Variants in ZMAT3 observed in about 807,000 individuals in gnomAD.
ZMAT3 encodes the protein zinc finger matrin-type 3, also known as zinc finger matrin-type protein 3.
Under a neutral mutation model 32.3 loss-of-function variants are expected in ZMAT3, and 17 were observed. The observed-to-expected ratio is 0.53, with a 90% CI of 0.36 to 0.79. The LOEUF (loss-of-function observed/expected upper bound fraction) is 0.79, where lower values mean the gene tolerates loss of function less well. Among genes scored for constraint, ZMAT3 ranks in the 30% least tolerant of loss-of-function variants. ZMAT3 has a pLI of 0.00. For synonymous variants in ZMAT3, 120 were observed against 133.1 expected (o/e 0.90, Z 0.68); for missense variants, 329 against 359.7 (o/e 0.91, Z 0.69).
At chr3:179,063,399 A>C (rs1397538652) in intron 2 of ZMAT3, among the ~76,000 whole-genome samples, 2 of 152,248 alleles carry the variant, frequency 1.3e-5, no homozygotes, top group African/African-American at 4.8e-5. Flanking sequence ...TAATTCTAAA[A>C]CTATTCTTTC....
chr3:179,022,703 A>G lies in ZMAT3; in HGVS notation c.*2314T>C, dbSNP rs763378515. On this transcript the variant is annotated 3_prime_UTR_variant, in exon 6 of 6. Coordinates refer to ENST00000311417, the MANE Select transcript of ZMAT3 (RefSeq NM_022470.4). ...CAGGTCTAGATAGAATCCTAACAGA[A>G]TAGTATTTGATTCTTCTGTTTCTGG... is the stretch of plus-strand genomic sequence containing the variant. 4 of 152,004 alleles carry G rather than the reference A, an allele frequency of 2.6e-5. No individual in the cohort carries two copies. Among genetic ancestry groups the G allele is most frequent in the Non-Finnish European group, 5.9e-5 (4 of 67,996 alleles). 9.4% of individuals were successfully genotyped at this position (152,004 alleles called of 1,614,324 possible).
chr3:179,052,815 G>A (rs1306921449), intron 2 of ZMAT3, among the ~76,000 whole-genome samples: 3 of 152,114 alleles, frequency 2.0e-5, no homozygotes, highest in Admixed American at 1.3e-4. Flanking sequence ...GCCATAAAAA[G>A]GAACGAAATA....
Position 179,025,139 on chromosome 3 carries a change from T to C in ZMAT3, c.748A>G (p.Met250Val), listed in dbSNP as rs1443922983. 6 of 1,614,188 alleles carry C rather than the reference T, an allele frequency of 3.7e-6. No individual in the cohort carries two copies. The highest frequency in any genetic ancestry group is 1.6e-4 in the Middle Eastern group (1 of 6,062). Reference protein sequence around the residue: ...VTPSGQFYCSMCNVGAGEEME... With the variant: ...VTPSGQFYCSVCNVGAGEEME... ...TCTTCGCCAGCTCCAACATTACACA[T>C]TGAGCAGTAAAACTGGCCACTTGGA... The change falls in exon 6 of 6, where the codon ATG (methionine) becomes GTG (valine). Residue 250 changes from methionine (M) to valine (V), a missense_variant. By Grantham distance (21) the Met-to-Val change is conservative. Transcript: ENST00000311417.
At chr3:179,032,571 G>A (rs552553571) in intron 2 of ZMAT3, among the ~76,000 whole-genome samples, 23 of 150,952 alleles carry the variant, frequency 1.5e-4, no homozygotes, top group Admixed American at 2.0e-4. Context: ...GTCTCTGCCC[G>A]GCCACCCATC....
chr3:179,050,666 TAAAAG>T (rs541648079), intron 2 of ZMAT3, among the ~76,000 whole-genome samples: 15 of 152,200 alleles, frequency 9.9e-5, no homozygotes, highest in African/African-American at 3.6e-4. Flanking sequence ...ATATTCCAAA[TAAAAG>T]AAAACTACAG....
chr3:179,068,938 T>C (rs1462464291), intron 1 of ZMAT3, among the ~76,000 whole-genome samples: 4 of 152,242 alleles, frequency 2.6e-5, no homozygotes, highest in African/African-American at 9.6e-5. Flanking sequence ...TAGTTAGTGC[T>C]CAGAGGCACT....
chr3:179,051,745 TC>T (rs1293476206), intron 2 of ZMAT3, among the ~76,000 whole-genome samples: 1 of 151,896 alleles, frequency 6.6e-6, no homozygotes, highest in Non-Finnish European at 1.5e-5. Context: ...AAAGAACAAA[TC>T]TAGAGGTCTT....
chr3:179,023,744 G>A lies in ZMAT3; in HGVS notation c.*1273C>T, dbSNP rs1283638982. 1 of 36,056 alleles carries A rather than the reference G, an allele frequency of 2.8e-5. No homozygotes were observed. Among genetic ancestry groups the A allele is most frequent in the Non-Finnish European group, 4.6e-5 (1 of 21,764 alleles). 2.2% of individuals were successfully genotyped at this position (36,056 alleles called of 1,614,324 possible). A position where few individuals can be genotyped will look rare whatever the true frequency, so the allele number is the denominator to read the frequency against. ...TTTTTTTTTTTTTTTTTTTTGAGAC[G>A]GAGTCTCGCTCTGTCACCCAGGCTG... is the stretch of plus-strand genomic sequence containing the variant. On this transcript the variant is annotated 3_prime_UTR_variant, in exon 6 of 6. Transcript: ENST00000311417.
At chr3:179,057,025 G>T (rs1205709896) in intron 2 of ZMAT3, among the ~76,000 whole-genome samples, 1 of 152,162 alleles carries the variant, frequency 6.6e-6, no homozygotes, top group African/African-American at 2.4e-5. Flanking sequence ...AGCAAAGAAT[G>T]CCTGTCCAGT....
intron 2 of ZMAT3, among the ~76,000 whole-genome samples, chr3:179,034,559 G>A (rs1719479419): frequency 6.6e-6 from 1 of 152,128 alleles, no homozygotes; most frequent in Admixed American, 6.5e-5. Context: ...CAAATACCAT[G>A]AGTAAGTTGG....
rs146578740 is a variant in ZMAT3, at chr3:179,017,860, A to C, written c.*7157T>G. The C allele has an allele frequency of 2.5e-3, 376 of 152,322 alleles. No homozygotes were observed. Among genetic ancestry groups the C allele is most frequent in the African/African-American group, 8.1e-3 (338 of 41,588 alleles). The allele number at this position is 152,322 out of a possible 1,614,324, so 9.4% of individuals were successfully genotyped here. On this transcript the variant is annotated 3_prime_UTR_variant, in exon 6 of 6. Coordinates refer to ENST00000311417, the MANE Select transcript of ZMAT3 (RefSeq NM_022470.4). ...CTTATTGTCCCAGCAGATATATGGA[A>C]TGCTTTAAAGCAGGATCTGACATAC...
chr3:179,027,930 A>C (rs1327612984), intron 3 of ZMAT3, 118 bp from the exon 4 acceptor site: 15 of 957,588 alleles, frequency 1.6e-5, no homozygotes, highest in East Asian at 8.1e-5. Context: ...GACCACAAGC[A>C]TTAAGCTTCA....
rs1476764107 is a variant in ZMAT3, at chr3:179,021,979, A to C, written c.*3038T>G. 1 of 152,208 alleles carries C rather than the reference A, an allele frequency of 6.6e-6. No homozygotes were observed. Among genetic ancestry groups the C allele is most frequent in the Non-Finnish European group, 1.5e-5 (1 of 68,036 alleles). 9.4% of individuals were successfully genotyped at this position (152,208 alleles called of 1,614,324 possible). On this transcript the variant is annotated 3_prime_UTR_variant, in exon 6 of 6. Transcript: ENST00000311417. ...CAAGTGATCATGGAAGTTATTTATC[A>C]ACTTCCCAGAGTTTGGAATTTAAGG...
intron 2 of ZMAT3, among the ~76,000 whole-genome samples, chr3:179,061,583 GTTTTT>G (rs201276049): frequency 1.5e-4 from 22 of 148,928 alleles, no homozygotes; most frequent in African/African-American, 5.2e-4. Context: ...CTTCTCTCTA[GTTTTT>G]TTTTTAAGTA....
At chr3:179,039,246 G>C (rs1300620581) in intron 2 of ZMAT3, among the ~76,000 whole-genome samples, 1 of 152,240 alleles carries the variant, frequency 6.6e-6, no homozygotes, top group African/African-American at 2.4e-5. Flanking sequence ...AGAATGGACA[G>C]ACTGCCTCTT....
chr3:179,063,110 G>T (rs1055983773), intron 2 of ZMAT3, among the ~76,000 whole-genome samples: 13 of 152,222 alleles, frequency 8.5e-5, no homozygotes, highest in Admixed American at 1.3e-4. Flanking sequence ...AAAGTTGTTA[G>T]ATTCCAAAGC....
Position 179,046,529 on chromosome 3 carries a change from G to T in ZMAT3, c.271-15530C>A, listed in dbSNP as rs1266381185. Among the ~76,000 whole-genome samples, 3 of 152,172 alleles carry T rather than the reference G, an allele frequency of 2.0e-5. No homozygotes were observed. The highest frequency in any genetic ancestry group is 7.2e-5 in the African/African-American group (3 of 41,440). On this transcript the variant is annotated intron_variant, in intron 2 of 5. Transcript: ENST00000311417. This position sits in a 1 kb window ranked among gnomAD's most constrained non-coding sequence, Gnocchi z 4.3. ...ACAGGCCCTTTGAAGGAGGCGGATT[G>T]CCACTGCAGACTCCGTGGGACAGCT...
At chr3:179,027,842 G>GT (rs1718964499) in intron 3 of ZMAT3, 30 bp from the exon 4 acceptor site, 1 of 1,570,360 alleles carries the variant, frequency 6.4e-7, no homozygotes, top group African/African-American at 1.4e-5. Flanking sequence ...AAGAAACAAA[G>GT]TTAAAAAAAA....
rs1718403998 is a variant in ZMAT3, at chr3:179,018,905, C to T, written c.*6112G>A. 1 of 152,064 alleles carries T rather than the reference C, an allele frequency of 6.6e-6. No homozygotes were observed. The highest frequency in any genetic ancestry group is 1.5e-5 in the Non-Finnish European group (1 of 68,002). The allele number at this position is 152,064 out of a possible 1,614,324, so 9.4% of individuals were successfully genotyped here. On this transcript the variant is annotated 3_prime_UTR_variant, in exon 6 of 6. Transcript: ENST00000311417. ...CTTACTAAGCTACTTAATCTGCTCT[C>T]CTAGAGTTGTTTAAAACAGCTAATT...
Sources: allele counts gnomAD v4.1 joint callset (sites outside exome capture counted in the v4.1 genomes callset), GRCh38; gene constraint gnomAD v4.1.1; non-coding constraint Gnocchi (gnomAD v3.1); transcripts MANE v1.5; gene names NCBI Gene and HGNC (gene_info 2026-07-23, HGNC 2026-07-21).